Variants in MYRIP observed in about 807,000 individuals in gnomAD.
The protein encoded by MYRIP is rab effector MyRIP.
Under a neutral mutation model 98.0 loss-of-function variants are expected in MYRIP, and 49 were observed. The ratio of observed to expected loss-of-function variants is 0.50; its 90% CI spans 0.40 to 0.63. The LOEUF (loss-of-function observed/expected upper bound fraction) is 0.63, where lower values mean the gene tolerates loss of function less well. Among genes scored for constraint, MYRIP ranks in the 30% least tolerant of loss-of-function variants. The pLI is 0.00. For synonymous variants in MYRIP, 404 were observed against 409.5 expected (o/e 0.99, Z 0.16); for missense variants, 1,004 against 1,058.2 (o/e 0.95, Z 0.71).
At chr3:39,830,371 T>C (rs1941404080) in intron 1 of MYRIP, among the ~76,000 whole-genome samples, 2 of 152,208 alleles carry the variant, frequency 1.3e-5, no homozygotes, top group Non-Finnish European at 2.9e-5. Context: ...AGGTGGATCC[T>C]TGTTGCTGCC....
intron 10 of MYRIP, among the ~76,000 whole-genome samples, chr3:40,194,430 C>T (rs1445533011): frequency 6.6e-6 from 1 of 152,002 alleles, no homozygotes; most frequent in Non-Finnish European, 1.5e-5. Context: ...GATTCCCTTA[C>T]AAATACTATT....
At chr3:39,843,386 A>G (rs1298303145) in intron 1 of MYRIP, among the ~76,000 whole-genome samples, 1 of 152,244 alleles carries the variant, frequency 6.6e-6, no homozygotes, top group African/African-American at 2.4e-5. Flanking sequence ...ACAAGAAAGA[A>G]AAAGAAAAAA....
intron 2 of MYRIP, among the ~76,000 whole-genome samples, chr3:40,008,784 G>A (rs6791790): frequency 0.1 from 15,385 of 152,234 alleles, 1,358 homozygotes; most frequent in African/African-American, 0.23. Context: ...TGATATTGCT[G>A]AAAGAACACG....
chr3:39,860,199 G>T (rs1050912837), intron 1 of MYRIP, among the ~76,000 whole-genome samples: 3 of 152,152 alleles, frequency 2.0e-5, no homozygotes, highest in African/African-American at 7.2e-5. Context: ...ATGACTCCTG[G>T]GGAAGGTGTG....
intron 1 of MYRIP, among the ~76,000 whole-genome samples, chr3:39,877,960 G>C (rs1429265116): frequency 4.6e-5 from 7 of 152,160 alleles, no homozygotes; most frequent in African/African-American, 1.4e-4. Flanking sequence ...GGAGCCTACA[G>C]AGGCAGGCAG....
At chr3:40,118,914 CT>C (rs1949339974) in intron 3 of MYRIP, among the ~76,000 whole-genome samples, 2 of 151,708 alleles carry the variant, frequency 1.3e-5, no homozygotes, top group East Asian at 1.9e-4. Flanking sequence ...TGAACTCATC[CT>C]TTTTTATGGC....
intron 3 of MYRIP, among the ~76,000 whole-genome samples, chr3:40,137,703 G>T (rs1157287116): frequency 6.6e-6 from 1 of 151,990 alleles, no homozygotes; most frequent in Admixed American, 6.6e-5. Flanking sequence ...CCATGAGACT[G>T]GGAGTCTTGC....
intron 1 of MYRIP, among the ~76,000 whole-genome samples, chr3:39,862,617 C>T (rs550989519): frequency 6.6e-6 from 1 of 152,312 alleles, no homozygotes; most frequent in South Asian, 2.1e-4. Flanking sequence ...ATATACACAT[C>T]CAACACAGGA....
At chr3:40,101,121 A>G (rs963070407) in intron 3 of MYRIP, among the ~76,000 whole-genome samples, 1 of 152,132 alleles carries the variant, frequency 6.6e-6, no homozygotes, top group Non-Finnish European at 1.5e-5. Context: ...TACAGCTTAT[A>G]TCTTTATTTT....
At chr3:39,888,564 A>T (rs1018222800) in intron 1 of MYRIP, among the ~76,000 whole-genome samples, 3 of 152,208 alleles carry the variant, frequency 2.0e-5, no homozygotes, top group Admixed American at 6.5e-5. Context: ...TAGACCTAAA[A>T]CCATAAAAAC....
chr3:40,230,145 CT>C (rs1952608155), intron 11 of MYRIP, among the ~76,000 whole-genome samples: 1 of 152,140 alleles, frequency 6.6e-6, no homozygotes, highest in African/African-American at 2.4e-5. Context: ...TCTCTCCATG[CT>C]TTCACTTCTC....
chr3:40,068,690 G>A (rs1948168604), intron 3 of MYRIP, among the ~76,000 whole-genome samples: 1 of 152,156 alleles, frequency 6.6e-6, no homozygotes. Context: ...AGCCCTCTTG[G>A]GCTACATTGA....
chr3:39,992,511 G>A (rs1280867479), intron 2 of MYRIP, among the ~76,000 whole-genome samples: 3 of 152,158 alleles, frequency 2.0e-5, no homozygotes, highest in African/African-American at 7.2e-5. Context: ...ACTTATTCCA[G>A]ACCAGAACTC....
At chr3:39,895,940 C>T (rs541750312) in intron 1 of MYRIP, among the ~76,000 whole-genome samples, 16 of 148,632 alleles carry the variant, frequency 1.1e-4, no homozygotes, top group South Asian at 2.1e-4. Flanking sequence ...TGTGTGTGCG[C>T]GTGCACGTAC....
chr3:39,844,626 T>G, intron 1 of MYRIP, among the ~76,000 whole-genome samples: 1 of 152,138 alleles, frequency 6.6e-6, no homozygotes, highest in East Asian at 1.9e-4. Context: ...ACACCTAGCA[T>G]GAGAAGAAGC....
At chr3:39,973,688 T>C (rs1575426876) in intron 2 of MYRIP, among the ~76,000 whole-genome samples, 2 of 115,528 alleles carry the variant, frequency 1.7e-5, no homozygotes, top group East Asian at 4.3e-4. Context: ...AGAAGAGAAA[T>C]TATAACAAAC....
At chr3:40,199,773 A>C (rs1951502042) in intron 10 of MYRIP, among the ~76,000 whole-genome samples, 1 of 152,202 alleles carries the variant, frequency 6.6e-6, no homozygotes, top group Admixed American at 6.5e-5. Context: ...GGAAGGCAGC[A>C]GAGTGCACTT....
At chr3:40,162,594 T>A (rs1318449245) in intron 4 of MYRIP, 136 bp from the exon 5 acceptor site, 1 of 670,082 alleles carries the variant, frequency 1.5e-6, no homozygotes, top group Non-Finnish European at 2.6e-6. Flanking sequence ...ACCTCATGAG[T>A]CCCTAAACCT....
chr3:40,094,253 G>T (rs1370415065), intron 3 of MYRIP, among the ~76,000 whole-genome samples: 4 of 152,174 alleles, frequency 2.6e-5, no homozygotes, highest in Non-Finnish European at 5.9e-5. Context: ...AGTCTTAATA[G>T]CTGATTATTT....
Sources: gnomAD v4.1 joint callset for allele counts (sites outside exome capture counted in the v4.1 genomes callset) on GRCh38, gnomAD v4.1.1 for gene constraint, MANE v1.5 for transcripts, NCBI Gene and HGNC (gene_info 2026-07-23, HGNC 2026-07-21) for gene names.